ABCC4: variants seen among roughly 807,000 people sequenced by gnomAD.
ABCC4 encodes ATP binding cassette subfamily C member 4 (PEL blood group).
ABCC4 carries 102 observed loss-of-function variants against 168.5 expected under a neutral mutation model. That is an observed-to-expected ratio of 0.61 (90% confidence interval 0.52 to 0.71). The LOEUF is 0.71. Ranked by LOEUF, ABCC4 falls within the 30% of genes least tolerant of loss-of-function variation. The pLI is 0.00. For synonymous variants in ABCC4, 617 were observed against 590.7 expected (o/e 1.04, Z -0.65); for missense variants, 1,402 against 1,605.8 (o/e 0.87, Z 2.17).
intron 4 of ABCC4, among the ~76,000 whole-genome samples, chr13:95,225,151 TCTCACACACACACACACACACA>T (rs1359762839): frequency 2.6e-4 from 8 of 30,598 alleles, no homozygotes; most frequent in East Asian, 1.3e-3. Flanking sequence ...TCTCTCTCTC[TCTCACACACACACACACACACA>T]CACACACACA....
chr13:95,108,463 T>C (rs562430371), intron 20 of ABCC4, among the ~76,000 whole-genome samples: 2 of 152,134 alleles, frequency 1.3e-5, no homozygotes, highest in East Asian at 3.9e-4. Flanking sequence ...GTTTTTCCCG[T>C]GGTATTCTCG....
At chr13:95,029,247 GAGAGAGAA>G (rs1255306235) in intron 30 of ABCC4, among the ~76,000 whole-genome samples, 98 of 5,132 alleles carry the variant, frequency 0.019, 4 homozygotes, top group Non-Finnish European at 0.041. Context: ...GAGAGAGAGA[GAGAGAGAA>G]AGAGAGAGAG....
At chr13:95,106,579 G>A (rs2035013510) in intron 20 of ABCC4, among the ~76,000 whole-genome samples, 1 of 151,956 alleles carries the variant, frequency 6.6e-6, no homozygotes, top group South Asian at 2.1e-4. Flanking sequence ...AGGGTAGACA[G>A]TGAGATGGTC....
rs529040466 is a variant in ABCC4, at chr13:95,265,808, C to T, written c.75-18055G>A. Among the ~76,000 whole-genome samples the T allele has an allele frequency of 7.2e-5, 11 of 152,174 alleles. No individual in the cohort carries two copies. In the South Asian group the frequency reaches 1.5e-3, roughly 20 times the overall value. ...GAAGGAGAGGCAAGTGCATGGCTTC[C>T]GTACAGATTGAAAATATGTCTTAGC... On this transcript the variant is annotated intron_variant, in intron 1 of 30. Transcript: ENST00000645237.
At chr13:95,244,670 A>AAAGAAAGAAATAAATAAATC (rs72377318) in intron 3 of ABCC4, among the ~76,000 whole-genome samples, 1 of 106,358 alleles carries the variant, frequency 9.4e-6, no homozygotes, top group Non-Finnish European at 2.1e-5. Flanking sequence ...AGAAAGAAAG[A>AAAGAAAGAAATAAATAAATC]AATCATAGCA....
chr13:95,043,999 G>A (rs945893752), intron 28 of ABCC4, among the ~76,000 whole-genome samples: 7 of 152,036 alleles, frequency 4.6e-5, no homozygotes, highest in South Asian at 4.1e-4. Context: ...ATAAAACAAC[G>A]AAAAATGTCT....
At chr13:95,286,123 C>CTTTTTTTT (rs773328777) in intron 1 of ABCC4, among the ~76,000 whole-genome samples, 3 of 105,560 alleles carry the variant, frequency 2.8e-5, no homozygotes, top group Non-Finnish European at 5.6e-5. Context: ...TCCAGAAAAA[C>CTTTTTTTT]TTTTTTTTTT....
In ABCC4 at chr13:95,062,863, C is replaced by T; in HGVS notation, c.3211-4G>A. On this transcript the variant is annotated splice_region_variant and splice_polypyrimidine_tract_variant and intron_variant, in intron 25 of 30. Coordinates refer to ENST00000645237, the MANE Select transcript of ABCC4 (RefSeq NM_005845.5). ...CGGTTCTTCCCACAATGCCAACCTACAGAGAGATCCAGGCGGCAGGATTAA... is the reference window on the plus strand; with the variant it reads ...CGGTTCTTCCCACAATGCCAACCTATAGAGAGATCCAGGCGGCAGGATTAA... 6.3e-7 allele frequency: 1 copy of T among 1,592,832 alleles called. No homozygotes were observed.
At chr13:95,102,188 A>C in intron 20 of ABCC4, among the ~76,000 whole-genome samples, 1 of 152,166 alleles carries the variant, frequency 6.6e-6, no homozygotes, top group Non-Finnish European at 1.5e-5. Context: ...TCTGTTGCTC[A>C]GGCTGGAGTG....
chr13:95,210,387 C>A (rs1408109179), intron 5 of ABCC4, among the ~76,000 whole-genome samples: 1 of 152,190 alleles, frequency 6.6e-6, no homozygotes, highest in Non-Finnish European at 1.5e-5. Context: ...TGTTCACGCA[C>A]TTGTGTGAGA....
chr13:95,116,582 G>A (rs953104899), intron 19 of ABCC4, among the ~76,000 whole-genome samples: 1 of 152,008 alleles, frequency 6.6e-6, no homozygotes, highest in Non-Finnish European at 1.5e-5. Context: ...CAAACAGTAT[G>A]ACAAAAACAG....
intron 20 of ABCC4, 116 bp from the exon 21 acceptor site, chr13:95,083,406 G>T: frequency 8.1e-7 from 1 of 1,238,774 alleles, no homozygotes. Context: ...TGTAGTACCA[G>T]GGACTGCTTT....
chr13:95,144,090 A>G (rs1206779590), intron 19 of ABCC4, among the ~76,000 whole-genome samples: 2 of 152,172 alleles, frequency 1.3e-5, no homozygotes, highest in Non-Finnish European at 2.9e-5. Flanking sequence ...CGCATCCATT[A>G]GATACACACT....
intron 4 of ABCC4, among the ~76,000 whole-genome samples, chr13:95,223,749 G>A (rs567785705): frequency 4.0e-4 from 61 of 152,244 alleles, no homozygotes; most frequent in Middle Eastern, 3.4e-3. Context: ...TGATCTGCCC[G>A]CCTTGGCCTC....
chr13:95,072,858 C>T (rs1306750892), intron 24 of ABCC4, among the ~76,000 whole-genome samples: 2 of 152,116 alleles, frequency 1.3e-5, no homozygotes, highest in Non-Finnish European at 2.9e-5. Flanking sequence ...CTTCTTTTAA[C>T]AGGAATGAGG....
intron 8 of ABCC4, among the ~76,000 whole-genome samples, chr13:95,196,580 A>AGGAGGGAGGGAGGGAGGGAGGGAG (rs1566515153): frequency 2.0e-5 from 2 of 101,100 alleles, no homozygotes; most frequent in African/African-American, 6.7e-5. Flanking sequence ...AAAGGAGGAA[A>AGGAGGGAGGGAGGGAGGGAGGGAG]GGAGGAAGGA....
At chr13:95,110,128 G>A (rs982838757) in intron 20 of ABCC4, among the ~76,000 whole-genome samples, 3 of 152,016 alleles carry the variant, frequency 2.0e-5, no homozygotes, top group South Asian at 2.1e-4. Context: ...GGCCAACATC[G>A]TGAAACCCCA....
chr13:95,207,876 C>A lies in ABCC4; in HGVS notation c.835G>T (p.Val279Phe). The change falls in exon 7 of 31, where the codon GTT (valine) becomes TTT (phenylalanine). Residue 279 changes from valine (V) to phenylalanine (F), a missense_variant. Physicochemically the swap from Val to Phe is conservative, Grantham distance 50. Around this residue, in one of 3 missense-constraint regions of ABCC4, gnomAD observed 317 missense variants for 345.5 expected, o/e 0.92. Coordinates refer to ENST00000645237, the MANE Select transcript of ABCC4 (RefSeq NM_005845.5). ...TDARIRTMNEVITGIRIIKMY... is the reference protein window; with the variant it reads ...TDARIRTMNEFITGIRIIKMY... ...TTTATTATCCTTATACCAGTTATAACTTCATTCATGGTCCTGATCCTGGCA... is the reference window on the plus strand; with the variant it reads ...TTTATTATCCTTATACCAGTTATAAATTCATTCATGGTCCTGATCCTGGCA... 6.2e-7 allele frequency: 1 copy of A among 1,613,782 alleles called. No homozygotes were observed. Among genetic ancestry groups the A allele is most frequent in the Non-Finnish European group, 8.5e-7 (1 of 1,179,936 alleles).
At chr13:95,278,110 CACAGGTT>C (rs58873875) in intron 1 of ABCC4, among the ~76,000 whole-genome samples, 22,794 of 152,040 alleles carry the variant, frequency 0.15, 1,813 homozygotes, top group Non-Finnish European at 0.17. Flanking sequence ...ATGTATAAAG[CACAGGTT>C]ACAGGTTATT....
Sources: allele counts gnomAD v4.1 joint callset (sites outside exome capture counted in the v4.1 genomes callset), GRCh38; gene constraint gnomAD v4.1.1; regional missense constraint gnomAD v4.1.1; transcripts MANE v1.5; gene names NCBI Gene and HGNC (gene_info 2026-07-23, HGNC 2026-07-21).